Variants in EVL observed in about 807,000 individuals in gnomAD.
EVL encodes the protein ena/VASP-like protein.
A neutral mutation model predicts 59.6 loss-of-function variants in EVL; 21 were observed. The observed-to-expected ratio is 0.35, with a 90% CI of 0.25 to 0.51. The LOEUF is 0.51. Among genes scored for constraint, EVL ranks in the 20% least tolerant of loss-of-function variants. The pLI, the probability that EVL is intolerant of heterozygous loss-of-function variation, is 0.97. For synonymous variants in EVL, 198 were observed against 203.5 expected, an observed-to-expected ratio of 0.97 and a Z score of 0.23; for missense variants, 462 against 546.6, an observed-to-expected ratio of 0.85 and a Z score of 1.54.
upstream of EVL, among the ~76,000 whole-genome samples, chr14:100,062,218 A>T (rs562096666): frequency 5.5e-5 from 1 of 18,152 alleles, no homozygotes; most frequent in Non-Finnish European, 1.3e-4. Context: ...ATATATATAT[A>T]TATGTATATA....
chr14:99,971,864 C>T (rs1279285790), exon 1 of EVL: 2 of 147,422 alleles, frequency 1.4e-5, no homozygotes, highest in African/African-American at 2.4e-5. Flanking sequence ...GCGGCCCTTC[C>T]CCGCAGCTAG....
chr14:100,130,958 G>A lies in EVL; in HGVS notation c.839+1274G>A, dbSNP rs767998394. ...TGGCCACACAAAGGCGAATGGCTCC[G>A]TGGGTGAGAGAGCCGGGAGGGCTCG... On this transcript the variant is annotated intron_variant, in intron 7 of 13. Coordinates refer to ENST00000392920, the MANE Select transcript of EVL (RefSeq NM_016337.3). This position sits in a 1 kb window ranked among gnomAD's most constrained non-coding sequence, Gnocchi z 4.8. Among the ~76,000 whole-genome samples, 56 of 152,202 alleles carry A rather than the reference G, an allele frequency of 3.7e-4. No homozygotes were observed. The highest frequency in any genetic ancestry group is 2.4e-4 in the African/African-American group (10 of 41,460).
At chr14:100,074,591 C>T (rs2062120719) in intron 1 of EVL, 1 of 153,006 alleles carries the variant, frequency 6.5e-6, no homozygotes, top group Non-Finnish European at 1.5e-5. Context: ...CCACAGTGTT[C>T]TCACTTCCCC....
At chr14:100,019,052 T>G (rs1227436178) in intron 1 of EVL, among the ~76,000 whole-genome samples, 1 of 152,232 alleles carries the variant, frequency 6.6e-6, no homozygotes, top group Non-Finnish European at 1.5e-5. Flanking sequence ...GTGGTGGACA[T>G]AAAATGCGAC....
rs977972907 is a variant in EVL, at chr14:100,109,159, G to A, written c.358+11501G>A. On this transcript the variant is annotated intron_variant, in intron 3 of 13. Transcript: ENST00000392920. This position sits in a 1 kb window ranked among gnomAD's most constrained non-coding sequence, Gnocchi z 4.3. Reference sequence around the variant, plus strand: ...ACCACCTGCACTGCATATTCTCACCGTCTCTCCCCTGACACTCTCTCCCCT... The same window carrying A: ...ACCACCTGCACTGCATATTCTCACCATCTCTCCCCTGACACTCTCTCCCCT... Among the ~76,000 whole-genome samples the A allele has an allele frequency of 2.6e-5, 4 of 152,142 alleles. No individual in the cohort carries two copies. The highest frequency in any genetic ancestry group is 4.4e-5 in the Non-Finnish European group (3 of 68,034).
intron 1 of EVL, among the ~76,000 whole-genome samples, chr14:100,071,450 A>C (rs2062046879): frequency 6.6e-6 from 1 of 152,206 alleles, no homozygotes; most frequent in African/African-American, 2.4e-5. Context: ...TTCATGGTGG[A>C]ATTTTCCAGA....
At chr14:100,077,131 T>G (rs2062179427) in intron 1 of EVL, among the ~76,000 whole-genome samples, 1 of 152,146 alleles carries the variant, frequency 6.6e-6, no homozygotes, top group Admixed American at 6.5e-5. Flanking sequence ...GGAAGGTCTC[T>G]CTGGTGACAT....
At chr14:100,056,607 G>A (rs1171065371) in intron 1 of EVL, among the ~76,000 whole-genome samples, 1 of 152,124 alleles carries the variant, frequency 6.6e-6, no homozygotes, top group Non-Finnish European at 1.5e-5. Context: ...CTGGAAATTA[G>A]TAATGATGTC....
rs1379774654 is a variant in EVL at position 100,047,114 on chromosome 14, C to CTTTT, written c.6-37572_6-37571insTTTT. Among the ~76,000 whole-genome samples the CTTTT allele has an allele frequency of 3.9e-4, 37 of 95,106 alleles. 4 individuals carry two copies. The highest frequency in any genetic ancestry group is 1.5e-3 in the East Asian group (4 of 2,732). 62.4% of individuals were successfully genotyped at this position (95,106 alleles called of 152,430 possible). On this transcript the variant is annotated intron_variant, in intron 1 of 13. Coordinates refer to the EVL transcript ENST00000402714. Reference sequence around the variant, plus strand: ...ATTTTGAGACCTTGGGCAGATCTCTCTCTCTTTTTTTTTTTTTTTTTTTTT... The same window carrying CTTTT: ...ATTTTGAGACCTTGGGCAGATCTCTCTTTTTCTCTTTTTTTTTTTTTTTTTTTTT...
intron 1 of EVL, among the ~76,000 whole-genome samples, chr14:100,039,781 T>G (rs2061440049): frequency 6.6e-6 from 1 of 152,094 alleles, no homozygotes; most frequent in Non-Finnish European, 1.5e-5. Flanking sequence ...GCTGACCCCA[T>G]GAGCTGCTTT....
intron 1 of EVL, among the ~76,000 whole-genome samples, chr14:99,993,451 T>C (rs2060888968): frequency 6.6e-6 from 1 of 152,118 alleles, no homozygotes; most frequent in Non-Finnish European, 1.5e-5. Context: ...TTTGTAGTTT[T>C]CTTATTTTGT....
At chr14:100,126,954 A>G (rs1595230862) in intron 5 of EVL, among the ~76,000 whole-genome samples, 183 bp downstream of exon 5, 2 of 152,164 alleles carry the variant, frequency 1.3e-5, no homozygotes, top group Admixed American at 6.5e-5. Flanking sequence ...AGGCTTGGGG[A>G]GTCTGCTCAG....
rs1267471239 is a variant in EVL, at chr14:100,125,120, G to GA, written c.422+1519dup. Among the ~76,000 whole-genome samples the GA allele has an allele frequency of 2.5e-5, 2 of 81,162 alleles. 1 individual carries two copies. Among genetic ancestry groups the GA allele is most frequent in the East Asian group, 1.2e-3 (2 of 1,732 alleles). 53.2% of individuals were successfully genotyped at this position (81,162 alleles called of 152,430 possible). ...GACACACACACCTGCCCCAAGGCGG[G>GA]ACCACACACACACACACACACACAC... On this transcript the variant is annotated intron_variant, in intron 4 of 13. Coordinates refer to ENST00000392920, the MANE Select transcript of EVL (RefSeq NM_016337.3).
chr14:100,035,105 T>A (rs1314813137), intron 1 of EVL, among the ~76,000 whole-genome samples: 1 of 152,228 alleles, frequency 6.6e-6, no homozygotes, highest in African/African-American at 2.4e-5. Context: ...TGAAAAACTT[T>A]TAAAATGAGA....
intron 13 of EVL, 146 bp from the exon 14 acceptor site, chr14:100,143,555 G>T: frequency 2.1e-6 from 2 of 932,844 alleles, no homozygotes; most frequent in South Asian, 1.5e-5. Context: ...CACCCCAGAG[G>T]TCTATGCCAA....
chr14:100,012,885 T>G, intron 1 of EVL, among the ~76,000 whole-genome samples: 1 of 152,264 alleles, frequency 6.6e-6, no homozygotes, highest in African/African-American at 2.4e-5. Context: ...TGTGAAAGAT[T>G]AGGACTAAAA....
intron 4 of EVL, among the ~76,000 whole-genome samples, chr14:100,125,702 C>T (rs556539618): frequency 3.9e-5 from 6 of 151,904 alleles, no homozygotes; most frequent in East Asian, 1.9e-4. Context: ...ATTACAGGCG[C>T]GCGCCACCAC....
At chr14:100,139,076 C>CAG (rs1226384577) in intron 11 of EVL, 3 of 152,406 alleles carry the variant, frequency 2.0e-5, no homozygotes, top group Admixed American at 6.5e-5. Flanking sequence ...ACTTGAGGCA[C>CAG]AGGGTGCCAT....
intron 1 of EVL, among the ~76,000 whole-genome samples, chr14:100,080,258 T>G (rs1354501111): frequency 6.6e-6 from 1 of 152,184 alleles, no homozygotes; most frequent in African/African-American, 2.4e-5. Context: ...TTAAGAAAGT[T>G]TACAAATTTG....
Sources: allele counts gnomAD v4.1 joint callset (sites outside exome capture counted in the v4.1 genomes callset), GRCh38; gene constraint gnomAD v4.1.1; non-coding constraint Gnocchi (gnomAD v3.1); transcripts MANE v1.5; gene names NCBI Gene and HGNC (gene_info 2026-07-23, HGNC 2026-07-21).